Variants in RSPO2 observed in about 807,000 individuals in gnomAD.
The protein encoded by RSPO2 is R-spondin 2, also known as R-spondin-2.
RSPO2 carries 14 observed loss-of-function variants against 30.9 expected under a neutral mutation model. That is an observed-to-expected ratio of 0.45 (90% CI 0.30 to 0.71). The LOEUF (loss-of-function observed/expected upper bound fraction) is 0.71. RSPO2 is among the 30% of genes least tolerant of loss of function. RSPO2 has a pLI of 0.08. For missense variants in RSPO2, 264 were observed against 301.9 expected (o/e 0.87, Z 0.93); for synonymous variants, 107 against 96.4 (o/e 1.11, Z -0.64).
intron 2 of RSPO2, among the ~76,000 whole-genome samples, chr8:108,033,907 C>T (rs961262626): frequency 6.6e-6 from 1 of 152,166 alleles, no homozygotes; most frequent in Admixed American, 6.5e-5. Context: ...ACTGGCAACA[C>T]CCTTCGCTGA....
intron 3 of RSPO2, among the ~76,000 whole-genome samples, chr8:107,962,563 C>T (rs143655048): frequency 9.2e-4 from 140 of 152,218 alleles, no homozygotes; most frequent in Middle Eastern, 3.4e-3. Flanking sequence ...ATAAAAGGTT[C>T]ATTTGTAGTC....
chr8:107,946,535 T>C (rs537769714), intron 5 of RSPO2, among the ~76,000 whole-genome samples: 2 of 152,228 alleles, frequency 1.3e-5, no homozygotes, highest in Admixed American at 6.5e-5. Context: ...GGAAGGTGCA[T>C]GTCTGAATCA....
At chr8:108,018,898 C>T (rs1373912592) in intron 2 of RSPO2, among the ~76,000 whole-genome samples, 6 of 152,184 alleles carry the variant, frequency 3.9e-5, no homozygotes, top group Non-Finnish European at 8.8e-5. Context: ...AGCCTAAGAA[C>T]TGCATGTATG....
chr8:107,934,317 G>A (rs532936806), intron 5 of RSPO2, among the ~76,000 whole-genome samples: 5 of 150,426 alleles, frequency 3.3e-5, no homozygotes, highest in South Asian at 4.2e-4. Context: ...AAAAAGTTTA[G>A]GTATGCCTTA....
chr8:108,063,811 G>C (rs1348405323), intron 2 of RSPO2, among the ~76,000 whole-genome samples: 1 of 152,102 alleles, frequency 6.6e-6, no homozygotes, highest in East Asian at 1.9e-4. Context: ...AAACAGCATG[G>C]TACTGGTATC....
At chr8:108,079,406 C>T (rs956087244) in intron 2 of RSPO2, among the ~76,000 whole-genome samples, 40 of 152,008 alleles carry the variant, frequency 2.6e-4, no homozygotes, top group Non-Finnish European at 4.3e-4. Context: ...GTGATGATCT[C>T]CCCCATTTGA....
chr8:107,954,533 T>G (rs537336386), intron 5 of RSPO2, among the ~76,000 whole-genome samples: 10 of 152,202 alleles, frequency 6.6e-5, no homozygotes, highest in Non-Finnish European at 1.3e-4. Context: ...TCACTCTTTT[T>G]TTCCACTTGT....
chr8:108,082,812 G>A lies in RSPO2; in HGVS notation c.-169-5C>T, dbSNP rs1343577351. The A allele has an allele frequency of 1.7e-6, 1 of 579,200 alleles. No individual in the cohort carries two copies. Among genetic ancestry groups the A allele is most frequent in the African/African-American group, 1.9e-5 (1 of 52,758 alleles). 35.9% of individuals were successfully genotyped at this position (579,200 alleles called of 1,614,324 possible). A position where few individuals can be genotyped will look rare whatever the true frequency, so the allele number is the denominator to read the frequency against. On this transcript the variant is annotated splice_region_variant and splice_polypyrimidine_tract_variant and intron_variant, in intron 1 of 5. Coordinates refer to ENST00000276659, the MANE Select transcript of RSPO2 (RefSeq NM_178565.5). The stretch of plus-strand genomic sequence containing the variant: ...CAGCATCTCTCCGCCACGAACCTGA[G>A]AGACAAGAAGCGAAAACAGGGTGTG...
At chr8:108,040,749 G>A (rs1811729924) in intron 2 of RSPO2, among the ~76,000 whole-genome samples, 1 of 152,106 alleles carries the variant, frequency 6.6e-6, no homozygotes, top group African/African-American at 2.4e-5. Flanking sequence ...AATAATCATG[G>A]CTAAAATATT....
chr8:107,933,522 T>C (rs1235473845), intron 5 of RSPO2, among the ~76,000 whole-genome samples: 1 of 152,182 alleles, frequency 6.6e-6, no homozygotes, highest in Non-Finnish European at 1.5e-5. Context: ...TACCACCACA[T>C]TAACAATGCT....
At chr8:108,042,934 A>G (rs1811801045) in intron 2 of RSPO2, among the ~76,000 whole-genome samples, 1 of 152,176 alleles carries the variant, frequency 6.6e-6, no homozygotes, top group African/African-American at 2.4e-5. Context: ...TATGAGCTTC[A>G]TACTCCATAT....
chr8:107,932,009 A>G (rs979185475), intron 5 of RSPO2, among the ~76,000 whole-genome samples: 1 of 152,144 alleles, frequency 6.6e-6, no homozygotes. Flanking sequence ...TGTTTTTTTT[A>G]AAAGACTATC....
At position 107,905,667 on chromosome 8, in the gene RSPO2, G is replaced by T. The variant is rs188286442; in HGVS notation, c.617-4477C>A. Among the ~76,000 whole-genome samples the T allele has an allele frequency of 3.3e-5, 5 of 152,032 alleles. No individual in the cohort carries two copies. The East Asian group carries it at 9.7e-4, about 29-fold the overall frequency. On this transcript the variant is annotated intron_variant, in intron 5 of 5. Coordinates refer to ENST00000276659, the MANE Select transcript of RSPO2 (RefSeq NM_178565.5). ...AGAAACCTGTGTAACCACCAACCTGGCAGATATTGTCATATTTCAGAGAAC... is the reference window on the plus strand; with the variant it reads ...AGAAACCTGTGTAACCACCAACCTGTCAGATATTGTCATATTTCAGAGAAC...
chr8:107,991,874 G>A, intron 2 of RSPO2, among the ~76,000 whole-genome samples: 1 of 152,028 alleles, frequency 6.6e-6, no homozygotes, highest in East Asian at 1.9e-4. Flanking sequence ...TTATTAAAAA[G>A]TCAAAAAATA....
At chr8:107,974,323 CAAA>C (rs747026899) in intron 3 of RSPO2, among the ~76,000 whole-genome samples, 2 of 83,560 alleles carry the variant, frequency 2.4e-5, no homozygotes, top group Non-Finnish European at 2.9e-5. Flanking sequence ...TTCATCTCTA[CAAA>C]AAAAAAAAAA....
intron 5 of RSPO2, among the ~76,000 whole-genome samples, chr8:107,905,040 T>G (rs1172163363): frequency 6.6e-6 from 1 of 152,090 alleles, no homozygotes; most frequent in Non-Finnish European, 1.5e-5. Context: ...ACAGGGTAGA[T>G]TATTTTGAAC....
intron 4 of RSPO2, among the ~76,000 whole-genome samples, chr8:107,958,855 T>C (rs1281506515): frequency 6.6e-6 from 1 of 152,212 alleles, no homozygotes; most frequent in Non-Finnish European, 1.5e-5. Flanking sequence ...GTTCCATCCA[T>C]GTCCCTGCAG....
intron 4 of RSPO2, among the ~76,000 whole-genome samples, chr8:107,960,252 G>GTT (rs1054866650): frequency 1.4e-5 from 2 of 146,962 alleles, no homozygotes; most frequent in Non-Finnish European, 3.0e-5. Flanking sequence ...TTCTTTTCAA[G>GTT]TTTTTTTTTT....
chr8:107,921,304 ACACACT>A (rs1812162692), intron 5 of RSPO2, among the ~76,000 whole-genome samples: 1 of 124,172 alleles, frequency 8.1e-6, no homozygotes, highest in African/African-American at 2.7e-5. Context: ...ACACACACAC[ACACACT>A]CCCCTTTAGA....
Sources: gnomAD v4.1 joint callset for allele counts (sites outside exome capture counted in the v4.1 genomes callset) on GRCh38, gnomAD v4.1.1 for gene constraint, MANE v1.5 for transcripts, NCBI Gene and HGNC (gene_info 2026-07-23, HGNC 2026-07-21) for gene names.